The following FCRL1 variants were observed in gnomAD, a reference collection of about 807,000 sequenced individuals.
FCRL1 encodes Fc receptor-like protein 1.
FCRL1 carries 34 observed loss-of-function variants against 49.2 expected under a neutral mutation model. That is an observed-to-expected ratio of 0.69 (90% CI 0.53 to 0.92). FCRL1 has a LOEUF of 0.92. Among genes scored for constraint, FCRL1 ranks in the 40% least tolerant of loss-of-function variants. The pLI is 0.00. For synonymous variants in FCRL1, 218 were observed against 201.6 expected (o/e 1.08, Z -0.69); for missense variants, 524 against 524.1 (o/e 1.00, Z 0.00).
Position 157,804,092 on chromosome 1 carries a change from G to C in FCRL1, c.72C>G (p.Ser24Arg). 4 of 1,614,106 alleles carry C rather than the reference G, an allele frequency of 2.5e-6. No homozygotes were observed. Among genetic ancestry groups the C allele is most frequent in the Non-Finnish European group, 3.4e-6 (4 of 1,180,014 alleles). Residue 24 changes from serine (S) to arginine (R), a missense_variant, in exon 3 of 11, where the codon AGC becomes AGG. By Grantham distance (110) the Ser-to-Arg change is moderately radical (BLOSUM62 -1). Transcript: ENST00000368176. ...CEPAELFLIA[S>R]PSHPTEGSPV... ...GGCTCCCCTCTGTGGGATGGGAGGG[G>C]CTGGCTATCAAAAACAGCTCTAGAG...
At chr1:157,806,993 T>C in intron 2 of FCRL1, 109 bp downstream of exon 2, 3 of 1,199,398 alleles carry the variant, frequency 2.5e-6, no homozygotes, top group Non-Finnish European at 3.6e-6. Context: ...CACCCTGATA[T>C]GTTTTGGGCA....
intron 1 of FCRL1, among the ~76,000 whole-genome samples, chr1:157,816,784 AATAGATAGATAG>A (rs3033729): frequency 0.026 from 3,871 of 147,462 alleles, 161 homozygotes; most frequent in African/African-American, 0.09. Flanking sequence ...GTTGCTGGAT[AATAGATAGATAG>A]ATAGATAGAT....
chr1:157,805,220 A>G (rs565273716), intron 2 of FCRL1, among the ~76,000 whole-genome samples: 14 of 151,940 alleles, frequency 9.2e-5, no homozygotes, highest in South Asian at 2.1e-4. Context: ...CGTCTCCCCA[A>G]CTTGCAGCAG....
At chr1:157,804,338 A>G in intron 2 of FCRL1, 1 of 506,496 alleles carries the variant, frequency 2.0e-6, no homozygotes, top group Non-Finnish European at 3.5e-6. Context: ...ATTATCTTTC[A>G]GAAAGTAACT....
intron 3 of FCRL1, among the ~76,000 whole-genome samples, chr1:157,803,359 TTTTC>T: frequency 6.6e-6 from 1 of 152,322 alleles, no homozygotes; most frequent in Non-Finnish European, 1.5e-5. Flanking sequence ...TGAAGCACTC[TTTTC>T]TTTCTATTTT....
At chr1:157,812,747 G>A (rs531962430) in intron 1 of FCRL1, among the ~76,000 whole-genome samples, 2 of 152,114 alleles carry the variant, frequency 1.3e-5, no homozygotes, top group Non-Finnish European at 2.9e-5. Context: ...GCAGGACACT[G>A]AGTGCAGGAC....
At chr1:157,813,332 T>A (rs756665507) in intron 1 of FCRL1, among the ~76,000 whole-genome samples, 2 of 152,084 alleles carry the variant, frequency 1.3e-5, no homozygotes, top group Non-Finnish European at 2.9e-5. Flanking sequence ...AGAATACAGA[T>A]GAAAAGTTCA....
chr1:157,808,077 A>G (rs1354617157), intron 1 of FCRL1, among the ~76,000 whole-genome samples: 2 of 152,172 alleles, frequency 1.3e-5, no homozygotes, highest in East Asian at 3.8e-4. Context: ...TAGGTAGGAG[A>G]AAAGTGTCAA....
At chr1:157,806,215 G>C (rs1353046458) in intron 2 of FCRL1, among the ~76,000 whole-genome samples, 1 of 152,164 alleles carries the variant, frequency 6.6e-6, no homozygotes, top group East Asian at 1.9e-4. Flanking sequence ...GTTATACTTG[G>C]ACAAACATTA....
chr1:157,807,190 T>C, intron 1 of FCRL1, 68 bp from the exon 2 acceptor site: 1 of 1,557,154 alleles, frequency 6.4e-7, no homozygotes, highest in Non-Finnish European at 8.8e-7. Flanking sequence ...GTTTAAATCC[T>C]TTGAGAGCTT....
In FCRL1 at chr1:157,801,929, G is replaced by A. The variant is rs1250599561; in HGVS notation, c.872C>T (p.Thr291Ile). 3.7e-6 allele frequency: 6 copies of A among 1,613,332 alleles called. No individual in the cohort carries two copies. The African/African-American group carries it at 6.7e-5, about 18-fold the overall frequency. Reference sequence around the variant, plus strand: ...CTGAGCTATACCTGTGAAGTTGAGTGTCACCGCCTCACTGCGCTGGGCCCC... The same window carrying A: ...CTGAGCTATACCTGTGAAGTTGAGTATCACCGCCTCACTGCGCTGGGCCCC... ...GLGAQRSEAV[T>I]LNFTVPTGAR... Residue 291 changes from threonine to isoleucine, a missense_variant, in exon 5 of 11, where the codon ACA becomes ATA. Physicochemically the swap from Thr to Ile is moderately conservative, Grantham distance 89 (BLOSUM62 -1). Transcript: ENST00000368176.
At chr1:157,819,641 G>T (rs1655521343) in intron 1 of FCRL1, among the ~76,000 whole-genome samples, 1 of 152,056 alleles carries the variant, frequency 6.6e-6, no homozygotes, top group African/African-American at 2.4e-5. Context: ...GTCAGAGAGG[G>T]ATAAAAGGAA....
intron 2 of FCRL1, 49 bp from the exon 3 acceptor site, chr1:157,804,160 G>T (rs1442142043): frequency 6.3e-7 from 1 of 1,593,356 alleles, no homozygotes; most frequent in Non-Finnish European, 8.6e-7. Context: ...CGGAATTTCT[G>T]GTAAGAGGCA....
chr1:157,806,051 A>T (rs992825051), intron 2 of FCRL1, among the ~76,000 whole-genome samples: 2 of 152,222 alleles, frequency 1.3e-5, no homozygotes, highest in African/African-American at 4.8e-5. Context: ...CTTAGATAGC[A>T]GAGACTATCT....
In FCRL1 at chr1:157,805,431, G is replaced by GT. The variant is rs557441062; in HGVS notation, c.53-1321dup. 1.7e-4 allele frequency among the ~76,000 whole-genome samples: 26 copies of GT among 152,272 alleles called. No individual in the cohort carries two copies. The East Asian group carries it at 1.9e-3, about 11-fold the overall frequency. ...GAATTCAGCTTTTCGGCTGAAATGT[G>GT]TTTTTTTGTTTTTGGAAACTTTTAA... On this transcript the variant is annotated intron_variant, in intron 2 of 10. Transcript: ENST00000368176.
rs757346370 is a variant in FCRL1 at position 157,800,105 on chromosome 1, G to T, written c.1004-20C>A. On this transcript the variant is annotated intron_variant, in intron 6 of 10. Transcript: ENST00000368176. ...GTCTTCCTGAAAGAAAAACAAATGA[G>T]CATACACATAAATGGAAGAACCCTC... The T allele has an allele frequency of 1.2e-6, 2 of 1,612,248 alleles. No homozygotes were observed. Among genetic ancestry groups the T allele is most frequent in the East Asian group, 4.5e-5 (2 of 44,820 alleles).
At position 157,797,345 on chromosome 1, in the gene FCRL1, C is replaced by T. The variant is rs1651676579; in HGVS notation, c.1187-213G>A. 2.0e-5 allele frequency among the ~76,000 whole-genome samples: 3 copies of T among 152,142 alleles called. 1 individual carries two copies. The South Asian group carries it at 6.2e-4, about 32-fold the overall frequency. ...CTGGGGGTGGGAGGGTAAGTAGACC[C>T]TCTATGCCAGGAGGGGCCTTTATAC... On this transcript the variant is annotated intron_variant, in intron 9 of 10. Transcript: ENST00000368176.
At chr1:157,814,212 G>A (rs1041679938) in intron 1 of FCRL1, among the ~76,000 whole-genome samples, 5 of 152,158 alleles carry the variant, frequency 3.3e-5, no homozygotes, top group Non-Finnish European at 7.4e-5. Context: ...ACGGTGATTT[G>A]TAAATCTTTC....
In FCRL1 at chr1:157,802,490, G is replaced by C; in HGVS notation, c.494C>G (p.Thr165Arg). ...CACTGAAGGAATCTCATACTCTGCT[G>C]TCAGTGAACGCTGGGTCTTTGACTG... The part of the protein sequence containing the change: ...NLQSKTQRSL[T>R]AEYEIPSVRE... Residue 165 changes from threonine to arginine, a missense_variant, in exon 4 of 11, where the codon ACA (threonine) becomes AGA (arginine). Thr to Arg is a moderately conservative substitution (Grantham distance 71). Coordinates refer to ENST00000368176, the MANE Select transcript of FCRL1 (RefSeq NM_052938.5). 1 of 1,614,196 alleles carries C rather than the reference G, an allele frequency of 6.2e-7. No homozygotes were observed. Among genetic ancestry groups the C allele is most frequent in the Non-Finnish European group, 8.5e-7 (1 of 1,180,030 alleles).
Sources: gnomAD v4.1 joint callset for allele counts (sites outside exome capture counted in the v4.1 genomes callset) on GRCh38, gnomAD v4.1.1 for gene constraint, MANE v1.5 for transcripts, NCBI Gene and HGNC (gene_info 2026-07-23, HGNC 2026-07-21) for gene names.